TSPAN19: variants seen among roughly 807,000 people sequenced by gnomAD.
The protein encoded by TSPAN19 is tetraspanin-19.
A neutral mutation model predicts 35.1 loss-of-function variants in TSPAN19; 44 were observed. That is an observed-to-expected ratio of 1.25 (90% CI 0.98 to 1.61). The LOEUF (loss-of-function observed/expected upper bound fraction) is 1.61, where lower values mean the gene tolerates loss of function less well. Ranked by LOEUF, TSPAN19 falls within the 40% of genes most tolerant of loss-of-function variation. TSPAN19 has a pLI of 0.00. For missense variants in TSPAN19, 290 were observed against 280.0 expected (o/e 1.04, Z -0.26); for synonymous variants, 79 against 92.0 (o/e 0.86, Z 0.81).
Position 85,019,720 on chromosome 12 carries a change from T to G in TSPAN19, c.356A>C (p.His119Pro). 6.2e-7 allele frequency: 1 copy of G among 1,602,760 alleles called. No individual in the cohort carries two copies. The highest frequency in any genetic ancestry group is 1.3e-5 in the African/African-American group (1 of 74,398). ...TKKEEVQQLW[H>P]DKIDFVISEY... The stretch of plus-strand genomic sequence containing the variant: ...AGAAATGACAAAATCAATTTTGTCA[T>G]GCCATAGTTGCTGAACCTGTAGAAA... The change falls in exon 6 of 9, where the codon CAT becomes CCT. Residue 119 changes from histidine to proline, a missense_variant. Coordinates refer to ENST00000532498, the MANE Select transcript of TSPAN19 (RefSeq NM_001100917.2).
intron 4 of TSPAN19, among the ~76,000 whole-genome samples, chr12:85,026,435 G>A (rs1333428810): frequency 6.6e-6 from 1 of 152,108 alleles, no homozygotes; most frequent in African/African-American, 2.4e-5. Flanking sequence ...AAGATTTTGA[G>A]GTGGAATCTG....
intron 1 of TSPAN19, among the ~76,000 whole-genome samples, chr12:85,035,733 C>T (rs1877964139): frequency 6.6e-6 from 1 of 151,942 alleles, no homozygotes; most frequent in Non-Finnish European, 1.5e-5. Flanking sequence ...CCACAAAAAA[C>T]TTTAATAAAT....
At chr12:85,031,425 C>T (rs1258170885) in intron 1 of TSPAN19, among the ~76,000 whole-genome samples, 2 of 151,978 alleles carry the variant, frequency 1.3e-5, no homozygotes, top group African/African-American at 2.4e-5. Flanking sequence ...AGGTCTTGGC[C>T]CCTGTCTGTG....
At chr12:85,033,263 C>T (rs757387519) in intron 1 of TSPAN19, among the ~76,000 whole-genome samples, 7 of 151,916 alleles carry the variant, frequency 4.6e-5, no homozygotes, top group South Asian at 4.1e-4. Flanking sequence ...TGTAAGGAGG[C>T]ATGGATCAGA....
Position 85,027,899 on chromosome 12 carries a change from C to A in TSPAN19, c.264G>T (p.Val88=). Residue 88 remains valine, a splice_region_variant and synonymous_variant, in exon 4 of 9, where the codon GTG becomes GTT. Coordinates refer to ENST00000532498, the MANE Select transcript of TSPAN19 (RefSeq NM_001100917.2). ...CAAACTATTGACATGAAATACGTACCACAATTAGGAGCCATCTGATTTCGT... is the reference window on the plus strand; with the variant it reads ...CAAACTATTGACATGAAATACGTACAACAATTAGGAGCCATCTGATTTCGT... ...IHNEIRWLLI[V]YAVLITWTFA... The A allele has an allele frequency of 6.4e-7, 1 of 1,562,630 alleles. No homozygotes were observed. Among genetic ancestry groups the A allele is most frequent in the East Asian group, 2.3e-5 (1 of 43,040 alleles).
intron 1 of TSPAN19, among the ~76,000 whole-genome samples, chr12:85,033,907 C>T (rs550390280): frequency 1.1e-4 from 17 of 152,104 alleles, no homozygotes; most frequent in Admixed American, 1.1e-3. Flanking sequence ...TTAGTTATCT[C>T]GTTATATCAT....
Position 85,036,104 on chromosome 12 carries a change from T to C in TSPAN19, c.-28+100A>G, listed in dbSNP as rs1202548037. 9.9e-5 allele frequency: 15 copies of C among 152,184 alleles called. 1 individual carries two copies. The highest frequency in any genetic ancestry group is 8.5e-4 in the Admixed American group (13 of 15,286). 9.4% of individuals were successfully genotyped at this position (152,184 alleles called of 1,614,324 possible). Reference sequence around the variant, plus strand: ...ATAAATATATGTAGCTCAGAAACAATTTAAAAAATTTAAAAGTGAGATTAC... The same window carrying C: ...ATAAATATATGTAGCTCAGAAACAACTTAAAAAATTTAAAAGTGAGATTAC... On this transcript the variant is annotated intron_variant, in intron 1 of 8. Coordinates refer to ENST00000532498, the MANE Select transcript of TSPAN19 (RefSeq NM_001100917.2).
rs573754115 is a variant in TSPAN19 at position 85,031,287 on chromosome 12, T to G, written c.-27-1314A>C. 1.0e-3 allele frequency among the ~76,000 whole-genome samples: 154 copies of G among 152,270 alleles called. 1 individual carries two copies. Among genetic ancestry groups the G allele is most frequent in the African/African-American group, 3.6e-3 (151 of 41,584 alleles). On this transcript the variant is annotated intron_variant, in intron 1 of 8. Coordinates refer to ENST00000532498, the MANE Select transcript of TSPAN19 (RefSeq NM_001100917.2). Reference sequence around the variant, plus strand: ...GGCATGTTTTGATGGGACGCTCAGTTGGAAAGACTGCATGATTTTTATTTC... The same window carrying G: ...GGCATGTTTTGATGGGACGCTCAGTGGGAAAGACTGCATGATTTTTATTTC...
chr12:85,035,944 T>TA lies in TSPAN19; in HGVS notation c.-28+259dup, dbSNP rs1321082488. Among the ~76,000 whole-genome samples the TA allele has an allele frequency of 2.6e-5, 4 of 152,088 alleles. No individual in the cohort carries two copies. In the South Asian group the frequency reaches 8.3e-4, roughly 31 times the overall value. ...TTCCTTTTTCTTTTCTTTTCTTTTT[T>TA]AAAAAACTGTTGTCATGGAAGGCAA... On this transcript the variant is annotated intron_variant, in intron 1 of 8. Transcript: ENST00000532498.
At chr12:85,017,221 C>T in intron 7 of TSPAN19, 1 of 408,876 alleles carries the variant, frequency 2.4e-6, no homozygotes, top group Non-Finnish European at 4.3e-6. Flanking sequence ...TCCCAAGTTC[C>T]AAGAATACAT....
intron 1 of TSPAN19, 70 bp from the exon 2 acceptor site, chr12:85,030,043 C>A: frequency 8.6e-7 from 1 of 1,162,424 alleles, no homozygotes; most frequent in South Asian, 1.9e-5. Flanking sequence ...TACTTATGTT[C>A]TTTATTTGCA....
intron 1 of TSPAN19, among the ~76,000 whole-genome samples, chr12:85,034,244 A>G (rs1334118493): frequency 6.6e-6 from 1 of 152,198 alleles, no homozygotes; most frequent in East Asian, 1.9e-4. Context: ...CTGCTCTGCA[A>G]CTATTTTGAA....
intron 5 of TSPAN19, among the ~76,000 whole-genome samples, chr12:85,020,896 G>A (rs965315524): frequency 5.9e-5 from 9 of 151,704 alleles, no homozygotes; most frequent in African/African-American, 2.2e-4. Context: ...TCATTTGTTA[G>A]TTTGTCTTTT....
At chr12:85,022,891 T>C (rs527561971) in intron 5 of TSPAN19, among the ~76,000 whole-genome samples, 6 of 152,122 alleles carry the variant, frequency 3.9e-5, no homozygotes, top group African/African-American at 1.2e-4. Flanking sequence ...GTGGAAAATA[T>C]AGGAATTATT....
At chr12:85,025,628 C>T (rs11116688) in intron 4 of TSPAN19, among the ~76,000 whole-genome samples, 8,494 of 152,126 alleles carry the variant, frequency 0.056, 805 homozygotes, top group African/African-American at 0.19. Context: ...CAGGTTCAAG[C>T]GATTCTCCTG....
chr12:85,019,609 A>G lies in TSPAN19; in HGVS notation c.450+17T>C. 6.8e-7 allele frequency: 1 copy of G among 1,481,480 alleles called. No homozygotes were observed. The highest frequency in any genetic ancestry group is 1.4e-5 in the African/African-American group (1 of 71,998). The allele number at this position is 1,481,480 out of a possible 1,614,324, so 91.8% of individuals were successfully genotyped here. ...GGTCAATACTGACATCTAATTTTTT[A>G]GTTAATTTCATCTTACTGTTTTCTG... On this transcript the variant is annotated intron_variant, in intron 6 of 8. Transcript: ENST00000532498.
rs75709254 is a variant in TSPAN19, at chr12:85,032,391, G to A, written c.-27-2418C>T. ...TTTACAGACTGAGAAGACAATCAAG[G>A]CATGATCTCATGGAAACCAATAGAG... On this transcript the variant is annotated intron_variant, in intron 1 of 8. Transcript: ENST00000532498. Among the ~76,000 whole-genome samples the A allele has an allele frequency of 0.013, 2,029 of 152,186 alleles. 115 individuals carry two copies. The East Asian group carries it at 0.2, about 15-fold the overall frequency.
rs1876757037 is a variant in TSPAN19, at chr12:85,015,723, G to T, written c.678+165C>A. The T allele has an allele frequency of 1.0e-5, 5 of 496,998 alleles. No homozygotes were observed. In the East Asian group the frequency reaches 1.7e-4, roughly 17 times the overall value. 30.8% of individuals were successfully genotyped at this position (496,998 alleles called of 1,614,324 possible). A position where few individuals can be genotyped will look rare whatever the true frequency, so the allele number is the denominator to read the frequency against. On this transcript the variant is annotated intron_variant, in intron 8 of 8. Coordinates refer to ENST00000532498, the MANE Select transcript of TSPAN19 (RefSeq NM_001100917.2). ...CTTATTAATAGGCTCCCCTGACCTG[G>T]CTGATTAAGGAATCACCTGTACAAC...
Position 85,029,788 on chromosome 12 carries a change from G to A in TSPAN19, c.70C>T (p.Leu24Phe). Reference sequence around the variant, plus strand: ...CCAAATCCCATGAATAAAAGTCCAAGAACCTAAAAAAAGAAAGTCAATGCT... The same window carrying A: ...CCAAATCCCATGAATAAAAGTCCAAAAACCTAAAAAAAGAAAGTCAATGCT... ...LNLINGAFLVLGLLFMGFGAW... is the reference protein window; with the variant it reads ...LNLINGAFLVFGLLFMGFGAW... Residue 24 changes from leucine to phenylalanine, a missense_variant, in exon 3 of 9, where the codon CTT (leucine) becomes TTT (phenylalanine). Leu to Phe is a conservative substitution (Grantham distance 22). Transcript: ENST00000532498. 1 of 1,540,720 alleles carries A rather than the reference G, an allele frequency of 6.5e-7. No homozygotes were observed. The highest frequency in any genetic ancestry group is 8.7e-7 in the Non-Finnish European group (1 of 1,144,314).
Sources: gnomAD v4.1 joint callset for allele counts (sites outside exome capture counted in the v4.1 genomes callset) on GRCh38, gnomAD v4.1.1 for gene constraint, MANE v1.5 for transcripts, NCBI Gene and HGNC (gene_info 2026-07-23, HGNC 2026-07-21) for gene names.